The following MCC variants were observed in gnomAD, a reference collection of about 807,000 sequenced individuals.
The protein encoded by MCC is MCC regulator of Wnt signaling pathway, also known as colorectal mutant cancer protein.
In MCC, 90 loss-of-function variants were observed where a neutral mutation model predicts 116.2. The observed-to-expected ratio is 0.77, with a 90% CI of 0.65 to 0.92. The LOEUF (loss-of-function observed/expected upper bound fraction) is 0.92. Ranked by LOEUF, MCC falls within the 40% of genes least tolerant of loss-of-function variation. MCC has a pLI of 0.00. For synonymous variants in MCC, 578 were observed against 510.5 expected (o/e 1.13, Z -1.78); for missense variants, 1,516 against 1,312.2 (o/e 1.16, Z -2.40).
chr5:113,093,246 A>G (rs537188774), intron 8 of MCC, among the ~76,000 whole-genome samples: 1 of 152,196 alleles, frequency 6.6e-6, no homozygotes, highest in Non-Finnish European at 1.5e-5. Context: ...TAGTGAATAT[A>G]ATTATCTTCT....
intron 1 of MCC, among the ~76,000 whole-genome samples, chr5:113,456,623 ATTTTTTTTT>A (rs34111159): frequency 1.4e-3 from 70 of 51,074 alleles, no homozygotes; most frequent in African/African-American, 4.7e-3. Context: ...TGCCCAGCTA[ATTTTTTTTT>A]TTTTTTTTTT....
intron 2 of MCC, among the ~76,000 whole-genome samples, chr5:113,371,082 G>A (rs1408829270): frequency 3.3e-5 from 5 of 152,182 alleles, no homozygotes; most frequent in Admixed American, 6.5e-5. Context: ...TTAGCCGGGT[G>A]TGGTGGCGCA....
Position 113,174,005 on chromosome 5 carries a change from C to T in MCC, c.628-22583G>A, listed in dbSNP as rs1334628489. Among the ~76,000 whole-genome samples the T allele has an allele frequency of 2.6e-5, 4 of 152,162 alleles. No homozygotes were observed. In the East Asian group the frequency reaches 5.8e-4, roughly 22 times the overall value. ...GGGGAAATGAACATGGAGGGTAACACTGGGTAGATTAAGATGAACCAAAAT... is the reference window on the plus strand; with the variant it reads ...GGGGAAATGAACATGGAGGGTAACATTGGGTAGATTAAGATGAACCAAAAT... On this transcript the variant is annotated intron_variant, in intron 3 of 18. Coordinates refer to ENST00000408903, the MANE Select transcript of MCC (RefSeq NM_001085377.2).
At chr5:113,069,134 C>T (rs540467116) in intron 12 of MCC, among the ~76,000 whole-genome samples, 4 of 152,368 alleles carry the variant, frequency 2.6e-5, no homozygotes, top group African/African-American at 9.6e-5. Context: ...AATAGCCATA[C>T]ATGGCCAGTG....
At chr5:113,468,491 T>C (rs1374713572) in intron 1 of MCC, among the ~76,000 whole-genome samples, 2 of 152,232 alleles carry the variant, frequency 1.3e-5, no homozygotes, top group Non-Finnish European at 2.9e-5. Context: ...CATTTATTGA[T>C]TTGCGTATGT....
intron 3 of MCC, among the ~76,000 whole-genome samples, chr5:113,262,324 A>T (rs75073495): frequency 0.057 from 8,725 of 152,230 alleles, 809 homozygotes; most frequent in African/African-American, 0.2. Context: ...GAAAGAAAAA[A>T]AAACAAGCGA....
intron 1 of MCC, chr5:113,433,391 A>G (rs1580368397): frequency 3.9e-6 from 2 of 517,266 alleles, no homozygotes; most frequent in East Asian, 4.9e-5. Flanking sequence ...CAAGGTGGAC[A>G]GCGGTGCCTT....
At chr5:113,095,674 A>C (rs971942612) in intron 8 of MCC, among the ~76,000 whole-genome samples, 1 of 151,600 alleles carries the variant, frequency 6.6e-6, no homozygotes, top group Non-Finnish European at 1.5e-5. Flanking sequence ...GCACACCATC[A>C]CACTTGGCTA....
At chr5:113,302,293 G>A (rs937175859) in intron 3 of MCC, among the ~76,000 whole-genome samples, 10 of 151,980 alleles carry the variant, frequency 6.6e-5, no homozygotes, top group Admixed American at 2.0e-4. Flanking sequence ...ACAAAACAAT[G>A]TGGTTTCTTC....
intron 8 of MCC, among the ~76,000 whole-genome samples, chr5:113,100,885 T>G (rs572341330): frequency 2.0e-5 from 3 of 152,306 alleles, no homozygotes; most frequent in African/African-American, 7.2e-5. Flanking sequence ...CAAGTAAGTC[T>G]AGTAATTCAA....
intron 3 of MCC, among the ~76,000 whole-genome samples, chr5:113,254,739 G>A (rs907096287): frequency 1.3e-5 from 2 of 152,224 alleles, no homozygotes; most frequent in Non-Finnish European, 1.5e-5. Flanking sequence ...CTTTGAGGGA[G>A]TGGTATTGGA....
At chr5:113,129,658 T>C (rs1479015586) in intron 5 of MCC, among the ~76,000 whole-genome samples, 1 of 152,044 alleles carries the variant, frequency 6.6e-6, no homozygotes, top group Non-Finnish European at 1.5e-5. Flanking sequence ...AACAACCCCA[T>C]CAAAAAGTGG....
intron 3 of MCC, among the ~76,000 whole-genome samples, chr5:113,289,190 G>C (rs1195445319): frequency 1.3e-5 from 2 of 152,002 alleles, no homozygotes; most frequent in South Asian, 2.1e-4. Context: ...AATTAGCCGG[G>C]AGTGGTGGCA....
intron 3 of MCC, among the ~76,000 whole-genome samples, chr5:113,205,878 G>GA (rs1490133446): frequency 1.3e-5 from 2 of 152,310 alleles, no homozygotes; most frequent in East Asian, 3.9e-4. Flanking sequence ...GCAGTGCATA[G>GA]ACCAGCTTTG....
intron 3 of MCC, among the ~76,000 whole-genome samples, chr5:113,152,510 G>C (rs1759942678): frequency 6.6e-6 from 1 of 152,208 alleles, no homozygotes; most frequent in Non-Finnish European, 1.5e-5. Context: ...TGCCAAGAAG[G>C]ATTTCAAGTA....
intron 3 of MCC, among the ~76,000 whole-genome samples, chr5:113,200,358 G>A: frequency 6.6e-6 from 1 of 152,162 alleles, no homozygotes; most frequent in Middle Eastern, 3.2e-3. Context: ...CATTCAGATG[G>A]AGGGCTCAGG....
intron 6 of MCC, among the ~76,000 whole-genome samples, chr5:113,120,321 G>A (rs1046198580): frequency 9.9e-5 from 15 of 152,174 alleles, no homozygotes; most frequent in African/African-American, 3.6e-4. Flanking sequence ...ATAAAGCCCG[G>A]GGACTGGGTT....
rs144549819 is a variant in MCC, at chr5:113,413,271, T to C, written c.171-28059A>G. 1.1e-3 allele frequency among the ~76,000 whole-genome samples: 172 copies of C among 152,358 alleles called. 1 individual carries two copies. Among genetic ancestry groups the C allele is most frequent in the African/African-American group, 3.6e-3 (151 of 41,586 alleles). On this transcript the variant is annotated intron_variant, in intron 1 of 18. Transcript: ENST00000408903. ...TCTCTGCCAGCCTTTGATATCAGAATGATGCTGTCCTCATAAAATGAGTTA... is the reference window on the plus strand; with the variant it reads ...TCTCTGCCAGCCTTTGATATCAGAACGATGCTGTCCTCATAAAATGAGTTA...
intron 1 of MCC, among the ~76,000 whole-genome samples, chr5:113,443,991 T>TTGTGCG (rs1771128801): frequency 6.9e-6 from 1 of 143,986 alleles, no homozygotes; most frequent in African/African-American, 2.6e-5. Context: ...CTCGGCTAAT[T>TTGTGCG]TGTGTGTGTG....
Sources: gnomAD v4.1 joint callset for allele counts (sites outside exome capture counted in the v4.1 genomes callset) on GRCh38, gnomAD v4.1.1 for gene constraint, MANE v1.5 for transcripts, NCBI Gene and HGNC (gene_info 2026-07-23, HGNC 2026-07-21) for gene names.